The following PCDHGA7 variants were observed in gnomAD, a reference collection of about 807,000 sequenced individuals.
The protein encoded by PCDHGA7 is protocadherin gamma-A7.
PCDHGA7 carries 44 observed loss-of-function variants against 58.3 expected under a neutral mutation model. The observed-to-expected ratio is 0.75, with a 90% CI of 0.59 to 0.97. The LOEUF (loss-of-function observed/expected upper bound fraction) is 0.97. Among genes scored for constraint, PCDHGA7 ranks in the 50% least tolerant of loss-of-function variants. PCDHGA7 has a pLI of 0.00. For synonymous variants in PCDHGA7, 516 were observed against 504.2 expected (o/e 1.02, Z -0.31); for missense variants, 1,266 against 1,188.7 (o/e 1.06, Z -0.96).
intron 1 of PCDHGA7, chr5:141,405,435 T>TAG: frequency 6.8e-7 from 1 of 1,463,324 alleles, no homozygotes; most frequent in Non-Finnish European, 9.3e-7. Flanking sequence ...TTGTTTTGTT[T>TAG]TTGAGACAGA....
rs2099404338 is a variant in PCDHGA7, at chr5:141,477,060, C to T, written c.2425-17747C>T. On this transcript the variant is annotated intron_variant, in intron 1 of 3. Coordinates refer to ENST00000518325, the MANE Select transcript of PCDHGA7 (RefSeq NM_018920.4). This position sits in a 1 kb window ranked among gnomAD's most constrained non-coding sequence, Gnocchi z 4.9. Reference sequence around the variant, plus strand: ...AAGGGTCGGCTGGACTTCGAGGACACCAAACTCCATGAGATTTACATCCAG... The same window carrying T: ...AAGGGTCGGCTGGACTTCGAGGACATCAAACTCCATGAGATTTACATCCAG... 3.7e-6 allele frequency: 6 copies of T among 1,614,256 alleles called. No individual in the cohort carries two copies. The highest frequency in any genetic ancestry group is 5.1e-6 in the Non-Finnish European group (6 of 1,180,046).
intron 1 of PCDHGA7, chr5:141,421,734 G>T: frequency 6.2e-7 from 1 of 1,613,948 alleles, no homozygotes; most frequent in Non-Finnish European, 8.5e-7. Flanking sequence ...ACTCCCTCCA[G>T]AGCTACCAGC....
chr5:141,431,435 G>C lies in PCDHGA7; in HGVS notation c.2424+46112G>C, dbSNP rs376827063. The C allele has an allele frequency of 6.2e-7, 1 of 1,613,668 alleles. No homozygotes were observed. The highest frequency in any genetic ancestry group is 1.7e-5 in the Admixed American group (1 of 60,010). On this transcript the variant is annotated intron_variant, in intron 1 of 3. Coordinates refer to ENST00000518325, the MANE Select transcript of PCDHGA7 (RefSeq NM_018920.4). This position sits in a 1 kb window ranked among gnomAD's most constrained non-coding sequence, Gnocchi z 4.8. ...GGGCGACCCGGTGCGCACAGGCACC[G>C]CGCGCATCCGCGTGATGGTTCTGGA...
intron 3 of PCDHGA7, among the ~76,000 whole-genome samples, chr5:141,509,065 T>A (rs1294546432): frequency 6.6e-6 from 1 of 152,018 alleles, no homozygotes; most frequent in Non-Finnish European, 1.5e-5. Context: ...AGCTCTCAGC[T>A]CCGGGGATTT....
At chr5:141,500,866 A>G (rs576713520) in intron 2 of PCDHGA7, among the ~76,000 whole-genome samples, 19 of 146,112 alleles carry the variant, frequency 1.3e-4, no homozygotes, top group South Asian at 4.3e-4. Context: ...AAACATACAC[A>G]TTCATTTACA....
At chr5:141,457,412 C>A (rs2098919309) in intron 1 of PCDHGA7, among the ~76,000 whole-genome samples, 1 of 152,188 alleles carries the variant, frequency 6.6e-6, no homozygotes. Flanking sequence ...TCACATTACC[C>A]ATCCCTTTTT....
intron 1 of PCDHGA7, among the ~76,000 whole-genome samples, chr5:141,448,948 A>C (rs918513864): frequency 6.6e-6 from 1 of 152,170 alleles, no homozygotes; most frequent in African/African-American, 2.4e-5. Flanking sequence ...GCAACTCAAA[A>C]AAACAAACAA....
chr5:141,440,008 C>G, intron 1 of PCDHGA7: 1 of 153,238 alleles, frequency 6.5e-6, no homozygotes. Context: ...GAAACCTTGC[C>G]AAGGATCTGG....
intron 3 of PCDHGA7, among the ~76,000 whole-genome samples, chr5:141,505,956 T>C (rs1177913983): frequency 6.6e-6 from 1 of 152,102 alleles, no homozygotes; most frequent in Non-Finnish European, 1.5e-5. Flanking sequence ...TGAAAGTGGG[T>C]GTAGAAATCC....
At chr5:141,423,003 G>A (rs779233337) in intron 1 of PCDHGA7, 1 of 1,614,208 alleles carries the variant, frequency 6.2e-7, no homozygotes, top group African/African-American at 1.3e-5. Flanking sequence ...TGACCAAGGT[G>A]GTTGCGGTGG....
chr5:141,505,614 A>G (rs2154593732), intron 3 of PCDHGA7, 133 bp downstream of exon 3: 1 of 1,510,758 alleles, frequency 6.6e-7, no homozygotes, highest in Non-Finnish European at 8.9e-7. Context: ...GTCTGAAAGG[A>G]CCCACAATTC....
chr5:141,392,857 T>TGCTGTGC, intron 1 of PCDHGA7: 1 of 1,612,536 alleles, frequency 6.2e-7, no homozygotes, highest in Non-Finnish European at 8.5e-7. Flanking sequence ...GAGCTGATCC[T>TGCTGTGC]GCTGTGCGCG....
intron 1 of PCDHGA7, chr5:141,413,835 C>T (rs762735722): frequency 1.9e-6 from 3 of 1,613,258 alleles, no homozygotes. Context: ...CCGCCTCCGA[C>T]GGGGGTGACC....
intron 1 of PCDHGA7, chr5:141,422,697 C>T (rs1406213402): frequency 3.7e-6 from 6 of 1,603,284 alleles, no homozygotes; most frequent in South Asian, 1.1e-5. Flanking sequence ...TGGTCACTTA[C>T]TCTCTGACGG....
At position 141,476,719 on chromosome 5, in the gene PCDHGA7, C is replaced by T; in HGVS notation, c.2425-18088C>T. ...ACGCGGAGCTGGTGTTGGAGCGCGC[C>T]CTGGACCGAGAACGGGAGCCTAGTC... On this transcript the variant is annotated intron_variant, in intron 1 of 3. Coordinates refer to ENST00000518325, the MANE Select transcript of PCDHGA7 (RefSeq NM_018920.4). The surrounding 1 kb of genome is among the most constrained non-coding windows in gnomAD (Gnocchi z 7.6). The T allele has an allele frequency of 6.2e-7, 1 of 1,614,154 alleles. No homozygotes were observed.
chr5:141,494,929 GGA>G, intron 2 of PCDHGA7, 64 bp downstream of exon 2: 1 of 1,613,142 alleles, frequency 6.2e-7, no homozygotes, highest in Non-Finnish European at 8.5e-7. Flanking sequence ...TGACGTGGGA[GGA>G]GATGGGGGAG....
chr5:141,415,105 C>T (rs1472993181), intron 1 of PCDHGA7: 1 of 1,613,652 alleles, frequency 6.2e-7, no homozygotes, highest in African/African-American at 1.3e-5. Flanking sequence ...CGCGCTCAAG[C>T]AAAGCCTCGT....
intron 1 of PCDHGA7, among the ~76,000 whole-genome samples, chr5:141,492,802 G>A (rs1490284966): frequency 6.6e-6 from 1 of 152,234 alleles, no homozygotes; most frequent in Non-Finnish European, 1.5e-5. Flanking sequence ...GCAGGACTGG[G>A]ACTCCAGTGG....
intron 1 of PCDHGA7, chr5:141,430,769 G>T: frequency 6.6e-7 from 1 of 1,508,212 alleles, no homozygotes; most frequent in Non-Finnish European, 8.9e-7. Context: ...AATGATTCCT[G>T]CGCGACTGCA....
Sources: allele counts gnomAD v4.1 joint callset (sites outside exome capture counted in the v4.1 genomes callset), GRCh38; gene constraint gnomAD v4.1.1; non-coding constraint Gnocchi (gnomAD v3.1); transcripts MANE v1.5; gene names NCBI Gene and HGNC (gene_info 2026-07-23, HGNC 2026-07-21).